SLC2A13: variants seen among roughly 807,000 people sequenced by gnomAD.
The protein encoded by SLC2A13 is proton myo-inositol cotransporter.
A neutral mutation model predicts 64.4 loss-of-function variants in SLC2A13; 32 were observed. The ratio of observed to expected loss-of-function variants is 0.50; its 90% CI spans 0.37 to 0.67. The LOEUF (loss-of-function observed/expected upper bound fraction) is 0.67. Ranked by LOEUF, SLC2A13 falls within the 30% of genes least tolerant of loss-of-function variation. The pLI is 0.00. For synonymous variants in SLC2A13, 338 were observed against 327.1 expected (o/e 1.03, Z -0.36); for missense variants, 743 against 829.2 (o/e 0.90, Z 1.28).
chr12:40,062,420 C>T (rs796484905), intron 1 of SLC2A13, among the ~76,000 whole-genome samples: 12 of 151,798 alleles, frequency 7.9e-5, no homozygotes, highest in African/African-American at 2.9e-4. Context: ...AGATCCATCA[C>T]TTGTGAACAT....
chr12:40,050,434 C>T (rs117339363), intron 1 of SLC2A13, among the ~76,000 whole-genome samples: 1,741 of 152,280 alleles, frequency 0.011, 13 homozygotes, highest in Non-Finnish European at 0.018. Context: ...AACACCAGAG[C>T]TTTGAAAGTA....
chr12:39,839,151 C>T (rs1262691985), intron 6 of SLC2A13, among the ~76,000 whole-genome samples: 3 of 152,098 alleles, frequency 2.0e-5, no homozygotes, highest in African/African-American at 7.2e-5. Flanking sequence ...TCACCAGCTT[C>T]AGCAGGTGAC....
chr12:39,902,387 C>T (rs1309142225), intron 4 of SLC2A13, among the ~76,000 whole-genome samples: 2 of 151,632 alleles, frequency 1.3e-5, no homozygotes, highest in Non-Finnish European at 2.9e-5. Flanking sequence ...AAGATATGTA[C>T]ATACACATGA....
intron 3 of SLC2A13, among the ~76,000 whole-genome samples, chr12:39,996,658 T>C (rs1455146869): frequency 1.3e-5 from 2 of 152,178 alleles, no homozygotes; most frequent in African/African-American, 4.8e-5. Flanking sequence ...CAGCCATGGC[T>C]GGAAGGGGCC....
At chr12:39,795,904 T>C (rs919817381) in intron 7 of SLC2A13, among the ~76,000 whole-genome samples, 4 of 152,254 alleles carry the variant, frequency 2.6e-5, no homozygotes, top group Admixed American at 1.3e-4. Context: ...ATGTCATCAA[T>C]TCATCCTTTT....
chr12:39,953,068 C>G (rs1388893582), intron 3 of SLC2A13, among the ~76,000 whole-genome samples: 1 of 152,022 alleles, frequency 6.6e-6, no homozygotes, highest in Non-Finnish European at 1.5e-5. Context: ...TTTCCTAATG[C>G]AAGAAGTCTA....
At chr12:40,067,554 T>C (rs1011362659) in intron 1 of SLC2A13, among the ~76,000 whole-genome samples, 3 of 152,194 alleles carry the variant, frequency 2.0e-5, no homozygotes, top group African/African-American at 7.2e-5. Context: ...CCATTTTATT[T>C]ATACAGACAT....
At chr12:39,972,411 T>C (rs1451317510) in intron 3 of SLC2A13, among the ~76,000 whole-genome samples, 2 of 152,178 alleles carry the variant, frequency 1.3e-5, no homozygotes, top group Admixed American at 6.5e-5. Context: ...ACCTCAGTTC[T>C]TATTTCACTG....
chr12:39,928,932 A>T (rs1427895626), intron 4 of SLC2A13, among the ~76,000 whole-genome samples: 1 of 152,194 alleles, frequency 6.6e-6, no homozygotes, highest in African/African-American at 2.4e-5. Flanking sequence ...AATCCTTGTA[A>T]CAATCAACAA....
At chr12:39,936,383 T>C (rs1164565101) in intron 4 of SLC2A13, among the ~76,000 whole-genome samples, 1 of 152,120 alleles carries the variant, frequency 6.6e-6, no homozygotes, top group East Asian at 1.9e-4. Flanking sequence ...GGATGTTCTC[T>C]AAGAGAAAGA....
chr12:39,787,560 T>C (rs1486834426), intron 7 of SLC2A13, among the ~76,000 whole-genome samples: 2 of 152,186 alleles, frequency 1.3e-5, no homozygotes, highest in African/African-American at 4.8e-5. Context: ...TAATCACATT[T>C]TGATATACTT....
chr12:39,793,369 G>T (rs1941471513), intron 7 of SLC2A13, among the ~76,000 whole-genome samples: 1 of 152,094 alleles, frequency 6.6e-6, no homozygotes, highest in Non-Finnish European at 1.5e-5. Flanking sequence ...TTGTTTATGG[G>T]TTTATTGGTA....
intron 1 of SLC2A13, among the ~76,000 whole-genome samples, chr12:40,089,581 C>G (rs1592075071): frequency 6.6e-6 from 1 of 152,168 alleles, no homozygotes; most frequent in African/African-American, 2.4e-5. Context: ...ACTTCTTCAT[C>G]TCCTCAACAA....
At chr12:39,827,985 T>C (rs1051359918) in intron 7 of SLC2A13, among the ~76,000 whole-genome samples, 5 of 152,112 alleles carry the variant, frequency 3.3e-5, no homozygotes, top group Non-Finnish European at 7.4e-5. Flanking sequence ...TAGATGGGAA[T>C]CCAAGGTCAT....
chr12:40,037,914 TTA>T (rs1376804421), intron 2 of SLC2A13, among the ~76,000 whole-genome samples: 2 of 152,206 alleles, frequency 1.3e-5, no homozygotes, highest in Non-Finnish European at 2.9e-5. Context: ...AATTTGTACT[TTA>T]TCTTTTTATT....
At chr12:40,078,362 G>A (rs1938262023) in intron 1 of SLC2A13, among the ~76,000 whole-genome samples, 1 of 152,082 alleles carries the variant, frequency 6.6e-6, no homozygotes, top group African/African-American at 2.4e-5. Context: ...TTACACGAAG[G>A]AATGTTGAAT....
At chr12:39,964,959 T>C (rs1427493783) in intron 3 of SLC2A13, among the ~76,000 whole-genome samples, 2 of 152,176 alleles carry the variant, frequency 1.3e-5, no homozygotes, top group East Asian at 3.8e-4. Context: ...TCTAGATTTC[T>C]ATAGGGAAAA....
At chr12:40,098,542 T>C (rs917865117) in intron 1 of SLC2A13, among the ~76,000 whole-genome samples, 3 of 152,218 alleles carry the variant, frequency 2.0e-5, no homozygotes, top group Admixed American at 1.3e-4. Context: ...AAAAGTAATG[T>C]CCACATGACA....
intron 1 of SLC2A13, among the ~76,000 whole-genome samples, chr12:40,090,997 C>T (rs968087398): frequency 1.3e-5 from 2 of 152,122 alleles, no homozygotes; most frequent in African/African-American, 2.4e-5. Flanking sequence ...ATAGAGTGTC[C>T]TTACACAAAC....
Sources: gnomAD v4.1 joint callset for allele counts (sites outside exome capture counted in the v4.1 genomes callset) on GRCh38, gnomAD v4.1.1 for gene constraint, MANE v1.5 for transcripts, NCBI Gene and HGNC (gene_info 2026-07-23, HGNC 2026-07-21) for gene names.